Variants in GALNT13 observed in about 807,000 individuals in gnomAD.
GALNT13 encodes UDP-GalNAc:polypeptide N-acetylgalactosaminyltransferase 13.
Under a neutral mutation model 64.2 loss-of-function variants are expected in GALNT13, and 28 were observed. The ratio of observed to expected loss-of-function variants is 0.44; its 90% CI spans 0.32 to 0.60. GALNT13 has a LOEUF of 0.60. GALNT13 is among the 20% of genes least tolerant of loss of function. The probability of loss-of-function intolerance (pLI) is 0.05; values close to 1 mark genes in which losing one functional copy is unlikely to be tolerated. For synonymous variants in GALNT13, 214 were observed against 224.6 expected, an observed-to-expected ratio of 0.95 and a Z score of 0.42; for missense variants, 577 against 669.8, an observed-to-expected ratio of 0.86 and a Z score of 1.53.
the GALNT13 span, among the ~76,000 whole-genome samples, chr2:153,825,586 T>C: frequency 1.3e-5 from 2 of 151,304 alleles, no homozygotes; most frequent in African/African-American, 4.9e-5. Flanking sequence ...ATTGCTAGTA[T>C]CTGTGACTCT....
chr2:154,373,813 G>GT, intron 9 of GALNT13, among the ~76,000 whole-genome samples: 1 of 152,174 alleles, frequency 6.6e-6, no homozygotes, highest in South Asian at 2.1e-4. Context: ...CAGGAGTACT[G>GT]TTTTAAGGAC....
At chr2:154,099,028 A>T (rs1282945210) in intron 3 of GALNT13, among the ~76,000 whole-genome samples, 1 of 152,076 alleles carries the variant, frequency 6.6e-6, no homozygotes. Flanking sequence ...GCCAATTTAC[A>T]TTCCCACCTA....
At chr2:153,544,095 TGGTGATC>T in the GALNT13 span, among the ~76,000 whole-genome samples, 1 of 152,188 alleles carries the variant, frequency 6.6e-6, no homozygotes, top group African/African-American at 2.4e-5. Flanking sequence ...TTCCTCTGCC[TGGTGATC>T]GATCATCAGC....
intron 12 of GALNT13, among the ~76,000 whole-genome samples, chr2:154,449,426 CAAAAAA>C (rs201483247): frequency 0.2 from 21,169 of 105,866 alleles, 1,849 homozygotes; most frequent in East Asian, 0.43. Context: ...TATCATGAGC[CAAAAAA>C]AAAAAAAAAA....
At chr2:154,043,005 A>AT (rs1250000059) in intron 3 of GALNT13, among the ~76,000 whole-genome samples, 2 of 151,954 alleles carry the variant, frequency 1.3e-5, no homozygotes, top group African/African-American at 4.8e-5. Flanking sequence ...AATATGGGAG[A>AT]TTAGAAGCCT....
the GALNT13 span, among the ~76,000 whole-genome samples, chr2:153,287,866 C>T: frequency 6.6e-6 from 1 of 152,154 alleles, no homozygotes; most frequent in East Asian, 1.9e-4. Context: ...ACTGTCTGTC[C>T]TCACCTAGGT....
At chr2:153,326,825 C>T in the GALNT13 span, among the ~76,000 whole-genome samples, 198 of 152,268 alleles carry the variant, frequency 1.3e-3, no homozygotes, top group Non-Finnish European at 2.4e-3. Context: ...GTGCCTCACA[C>T]CTGTAATCCC....
the GALNT13 span, among the ~76,000 whole-genome samples, chr2:153,203,656 T>C: frequency 6.6e-6 from 1 of 152,170 alleles, no homozygotes; most frequent in African/African-American, 2.4e-5. Flanking sequence ...TATAGTTGCA[T>C]TGAACAGTTG....
the GALNT13 span, among the ~76,000 whole-genome samples, chr2:153,586,415 C>T: frequency 2.2e-3 from 331 of 152,130 alleles, 3 homozygotes; most frequent in African/African-American, 7.7e-3. Flanking sequence ...CAGATAAAAT[C>T]GACTTTAAGT....
chr2:153,686,830 A>T, the GALNT13 span, among the ~76,000 whole-genome samples: 1 of 151,964 alleles, frequency 6.6e-6, no homozygotes, highest in Admixed American at 6.6e-5. Flanking sequence ...TACCTAGCTT[A>T]TTGAGAGTTT....
intron 8 of GALNT13, chr2:154,287,324 G>GT: frequency 1.6e-6 from 1 of 628,062 alleles, no homozygotes; most frequent in Non-Finnish European, 2.9e-6. Flanking sequence ...ATTGAGCTGT[G>GT]TAAGTTGGAA....
chr2:153,862,027 G>T, the GALNT13 span, among the ~76,000 whole-genome samples: 1 of 152,110 alleles, frequency 6.6e-6, no homozygotes, highest in Non-Finnish European at 1.5e-5. Context: ...AATCCCAAAA[G>T]ATAATATAAC....
At chr2:153,409,029 A>G in the GALNT13 span, among the ~76,000 whole-genome samples, 5 of 151,986 alleles carry the variant, frequency 3.3e-5, no homozygotes. Context: ...CTGCCCTCAA[A>G]CACCAGACTC....
At chr2:153,577,703 CACTA>C in the GALNT13 span, among the ~76,000 whole-genome samples, 4 of 150,948 alleles carry the variant, frequency 2.6e-5, no homozygotes, top group Non-Finnish European at 5.9e-5. Flanking sequence ...GCTTTCAGTC[CACTA>C]ACTATTCTAG....
the GALNT13 span, among the ~76,000 whole-genome samples, chr2:153,156,499 CTG>C: frequency 2.6e-5 from 4 of 152,076 alleles, no homozygotes; most frequent in Non-Finnish European, 5.9e-5. Context: ...GAAAGAGAAA[CTG>C]GTGTTTCTGG....
intron 4 of GALNT13, among the ~76,000 whole-genome samples, chr2:154,217,725 G>A (rs764772607): frequency 2.0e-5 from 3 of 152,258 alleles, no homozygotes; most frequent in Admixed American, 1.3e-4. Flanking sequence ...CATGAGTAAT[G>A]CATGCTTATA....
chr2:154,209,693 G>A (rs6435070), intron 4 of GALNT13, among the ~76,000 whole-genome samples: 142,513 of 152,244 alleles, frequency 0.94, 66,976 homozygotes, highest in African/African-American at 0.99. Flanking sequence ...TTTGAACATT[G>A]TCTCAGAGGA....
At chr2:154,409,256 G>A in intron 11 of GALNT13, 174 bp downstream of exon 11, 1 of 603,056 alleles carries the variant, frequency 1.7e-6, no homozygotes, top group Non-Finnish European at 3.0e-6. Flanking sequence ...TTAAAGGAGA[G>A]CTGAAAAATT....
At chr2:153,810,502 A>G in the GALNT13 span, among the ~76,000 whole-genome samples, 1 of 152,178 alleles carries the variant, frequency 6.6e-6, no homozygotes, top group Non-Finnish European at 1.5e-5. Context: ...TTTACATTCC[A>G]TCAACTTTAT....
Sources: gnomAD v4.1 joint callset for allele counts (sites outside exome capture counted in the v4.1 genomes callset) on GRCh38, gnomAD v4.1.1 for gene constraint, MANE v1.5 for transcripts, NCBI Gene and HGNC (gene_info 2026-07-23, HGNC 2026-07-21) for gene names.